EFL1: variants seen among roughly 807,000 people sequenced by gnomAD.
EFL1 encodes the protein elongation factor like GTPase 1.
Under a neutral mutation model 126.7 loss-of-function variants are expected in EFL1, and 76 were observed. That is an observed-to-expected ratio of 0.60 (90% CI 0.50 to 0.73). The LOEUF (loss-of-function observed/expected upper bound fraction) is 0.73, where lower values mean the gene tolerates loss of function less well. Ranked by LOEUF, EFL1 falls within the 30% of genes least tolerant of loss-of-function variation. The pLI, the probability that EFL1 is intolerant of heterozygous loss-of-function variation, is 0.00. For synonymous variants in EFL1, 410 were observed against 448.4 expected (o/e 0.91, Z 1.08); for missense variants, 1,128 against 1,343.2 (o/e 0.84, Z 2.50).
intron 4 of EFL1, among the ~76,000 whole-genome samples, chr15:82,244,955 C>T (rs554483637): frequency 6.6e-6 from 1 of 152,078 alleles, no homozygotes; most frequent in East Asian, 1.9e-4. Context: ...CTGAAAGTGT[C>T]CTTTATGTGT....
chr15:82,209,599 T>C (rs2074563445), intron 15 of EFL1, among the ~76,000 whole-genome samples: 1 of 152,212 alleles, frequency 6.6e-6, no homozygotes, highest in Non-Finnish European at 1.5e-5. Context: ...AATAGGAGCC[T>C]GCAGCAAATA....
rs10520568 is a variant in EFL1 at position 82,177,415 on chromosome 15, T to C, written c.1751-13431A>G. Among the ~76,000 whole-genome samples, 1,170 of 152,282 alleles carry C rather than the reference T, an allele frequency of 7.7e-3. 74 individuals are homozygous for C. In the East Asian group the frequency reaches 0.16, roughly 21 times the overall value. On this transcript the variant is annotated intron_variant, in intron 15 of 19. Transcript: ENST00000268206. ...TATCTTTTTTCTCCACATCCTCTAA[T>C]GACTAATAAAATGTGGCTTTCATTG...
intron 16 of EFL1, among the ~76,000 whole-genome samples, chr15:82,162,921 T>C (rs1267846595): frequency 1.3e-5 from 2 of 152,250 alleles, no homozygotes; most frequent in Non-Finnish European, 2.9e-5. Context: ...AGGCATGGTC[T>C]GGAGATTCTT....
chr15:82,157,121 T>C (rs1468639817), intron 17 of EFL1, among the ~76,000 whole-genome samples: 4 of 152,228 alleles, frequency 2.6e-5, no homozygotes, highest in African/African-American at 9.6e-5. Flanking sequence ...TGAATATGCA[T>C]AGAACAGTGC....
intron 14 of EFL1, 148 bp downstream of exon 14, chr15:82,219,504 C>G: frequency 1.1e-6 from 1 of 877,392 alleles, no homozygotes; most frequent in African/African-American, 1.7e-5. Flanking sequence ...GTTATCAAAG[C>G]AACACAAAAG....
chr15:82,170,288 G>C (rs2074121515), intron 15 of EFL1, among the ~76,000 whole-genome samples: 1 of 151,356 alleles, frequency 6.6e-6, no homozygotes. Flanking sequence ...CTAATTTTTT[G>C]TATTTTTAGT....
chr15:82,233,549 C>T (rs1422124683), intron 7 of EFL1: 1 of 152,174 alleles, frequency 6.6e-6, no homozygotes, highest in Non-Finnish European at 1.5e-5. Context: ...TACACAAAGA[C>T]AAGTAAATCT....
chr15:82,139,431 G>A (rs2073761006), intron 18 of EFL1, among the ~76,000 whole-genome samples: 1 of 152,172 alleles, frequency 6.6e-6, no homozygotes, highest in Admixed American at 6.5e-5. Flanking sequence ...TTTAAGGTCT[G>A]GTAACAATTT....
intron 9 of EFL1, 96 bp from the exon 10 acceptor site, chr15:82,228,423 T>A: frequency 2.8e-6 from 4 of 1,435,470 alleles, no homozygotes; most frequent in Non-Finnish European, 3.7e-6. Context: ...TACCCTAATG[T>A]GTTACTTTTT....
intron 7 of EFL1, among the ~76,000 whole-genome samples, chr15:82,238,097 A>G (rs1410344217): frequency 6.6e-6 from 1 of 152,186 alleles, no homozygotes; most frequent in Non-Finnish European, 1.5e-5. Context: ...GGCAAATGGC[A>G]AAGTCCTGCT....
At chr15:82,171,368 C>T (rs893669911) in intron 15 of EFL1, among the ~76,000 whole-genome samples, 5 of 151,972 alleles carry the variant, frequency 3.3e-5, no homozygotes, top group African/African-American at 9.7e-5. Context: ...GTCTGTTAGA[C>T]AACAGATCAA....
chr15:82,134,761 T>C (rs2073702614), intron 19 of EFL1, among the ~76,000 whole-genome samples: 1 of 152,262 alleles, frequency 6.6e-6, no homozygotes, highest in South Asian at 2.1e-4. Flanking sequence ...ATATTTTTTC[T>C]TTCTGTGTCT....
chr15:82,237,593 G>A (rs2141323267), intron 7 of EFL1, among the ~76,000 whole-genome samples: 1 of 152,302 alleles, frequency 6.6e-6, no homozygotes, highest in South Asian at 2.1e-4. Context: ...TCTGGAAACA[G>A]TTTGGTAGTT....
intron 2 of EFL1, among the ~76,000 whole-genome samples, chr15:82,260,042 G>A (rs2075099760): frequency 6.6e-6 from 1 of 152,108 alleles, no homozygotes; most frequent in Admixed American, 6.5e-5. Flanking sequence ...AAGCAAGCAG[G>A]AACTTTGCTT....
chr15:82,187,439 C>T (rs1243917416), intron 15 of EFL1, among the ~76,000 whole-genome samples: 1 of 152,016 alleles, frequency 6.6e-6, no homozygotes, highest in African/African-American at 2.4e-5. Context: ...TTATTTTGAA[C>T]AATTTTTTAT....
At chr15:82,167,366 G>A (rs1011939969) in intron 15 of EFL1, among the ~76,000 whole-genome samples, 1 of 152,108 alleles carries the variant, frequency 6.6e-6, no homozygotes, top group African/African-American at 2.4e-5. Context: ...GGGTACATAG[G>A]TCCTTGCTAG....
chr15:82,259,432 T>C (rs751016284), intron 2 of EFL1, among the ~76,000 whole-genome samples: 8 of 152,202 alleles, frequency 5.3e-5, no homozygotes, highest in Non-Finnish European at 1.2e-4. Context: ...GAGAACATAC[T>C]CTTTTGCCAT....
intron 7 of EFL1, among the ~76,000 whole-genome samples, chr15:82,238,054 C>G (rs1375670936): frequency 1.3e-5 from 2 of 152,112 alleles, no homozygotes; most frequent in African/African-American, 4.8e-5. Flanking sequence ...CGTGAAGGAG[C>G]CTTGTGGTGA....
Position 82,192,843 on chromosome 15 carries a change from A to AAAAG in EFL1, c.1750+21870_1750+21873dup, listed in dbSNP as rs34352552. Among the ~76,000 whole-genome samples the AAAAG allele has an allele frequency of 1.6e-3, 240 of 152,070 alleles. 2 individuals carry two copies. Among genetic ancestry groups the AAAAG allele is most frequent in the African/African-American group, 3.4e-3 (142 of 41,508 alleles). ...TACATTCAATACCACTTTTATTAAA[A>AAAAG]AAAGAAAGAAAGAAAGAAAGAAAGA... is the stretch of plus-strand genomic sequence containing the variant. On this transcript the variant is annotated intron_variant, in intron 15 of 19. Coordinates refer to ENST00000268206, the MANE Select transcript of EFL1 (RefSeq NM_024580.6).
Sources: gnomAD v4.1 joint callset for allele counts (sites outside exome capture counted in the v4.1 genomes callset) on GRCh38, gnomAD v4.1.1 for gene constraint, MANE v1.5 for transcripts, NCBI Gene and HGNC (gene_info 2026-07-23, HGNC 2026-07-21) for gene names.